The following CDH20 variants were observed in gnomAD, a reference collection of about 807,000 sequenced individuals.
The protein encoded by CDH20 is cadherin-20.
Under a neutral mutation model 74.2 loss-of-function variants are expected in CDH20, and 29 were observed. That is an observed-to-expected ratio of 0.39 (90% CI 0.29 to 0.53). CDH20 has a LOEUF of 0.53. CDH20 is among the 20% of genes least tolerant of loss of function. CDH20 has a pLI of 0.69. For missense variants in CDH20, 988 were observed against 1,048.3 expected (o/e 0.94, Z 0.79); for synonymous variants, 469 against 405.4 (o/e 1.16, Z -1.88).
At chr18:61,410,663 T>C (rs1396567130) in intron 1 of CDH20, among the ~76,000 whole-genome samples, 1 of 152,190 alleles carries the variant, frequency 6.6e-6, no homozygotes, top group Non-Finnish European at 1.5e-5. Context: ...AATGATGGAA[T>C]GGAAAATAAA....
rs750794751 is a variant in CDH20, at chr18:61,499,255, G to A, written c.316G>A (p.Val106Met). ...YILSGEGAGI[V>M]FTIDDTTGDI... is the part of the protein sequence containing the mutation. The stretch of plus-strand genomic sequence containing the variant: ...CCTCTCGGGAGAAGGTGCTGGCATC[G>A]TGTTTACCATCGACGACACCACTGG... The change falls in exon 3 of 12, where the codon GTG (valine) becomes ATG (methionine). Residue 106 changes from valine (V) to methionine (M), a missense_variant. Physicochemically the swap from Val to Met is conservative, Grantham distance 21. Around this residue, in one of 2 missense-constraint regions of CDH20, gnomAD observed 613 missense variants for 755.2 expected, o/e 0.81. Transcript: ENST00000262717. 11 of 1,613,426 alleles carry A rather than the reference G, an allele frequency of 6.8e-6. No individual in the cohort carries two copies. The highest frequency in any genetic ancestry group is 1.7e-5 in the Admixed American group (1 of 59,954).
chr18:61,552,058 C>G (rs1486745796), intron 11 of CDH20, among the ~76,000 whole-genome samples: 1 of 152,204 alleles, frequency 6.6e-6, no homozygotes, highest in East Asian at 1.9e-4. Flanking sequence ...ACCCTTACTT[C>G]TAAGAGTACA....
intron 10 of CDH20, among the ~76,000 whole-genome samples, chr18:61,546,299 A>G (rs1374313364): frequency 6.6e-6 from 1 of 152,222 alleles, no homozygotes; most frequent in Non-Finnish European, 1.5e-5. Context: ...TCAACCCCAC[A>G]TGACAGTTTT....
At chr18:61,516,819 C>A (rs1444478914) in intron 6 of CDH20, among the ~76,000 whole-genome samples, 1 of 151,968 alleles carries the variant, frequency 6.6e-6, no homozygotes, top group Non-Finnish European at 1.5e-5. Flanking sequence ...GAGTTTGAGA[C>A]CAGCCTGGGC....
rs367930531 is a variant in CDH20, at chr18:61,466,279, A to T, written c.-152-24123A>T. Reference sequence around the variant, plus strand: ...TTTTACAAACAATTCCTGTTAGTATAGTTGTACTTACAACATTTACAATAG... The same window carrying T: ...TTTTACAAACAATTCCTGTTAGTATTGTTGTACTTACAACATTTACAATAG... On this transcript the variant is annotated intron_variant, in intron 1 of 11. Transcript: ENST00000262717. Among the ~76,000 whole-genome samples the T allele has an allele frequency of 1.3e-3, 201 of 152,328 alleles. 1 individual carries two copies. The highest frequency in any genetic ancestry group is 4.6e-3 in the African/African-American group (191 of 41,568).
chr18:61,537,700 T>C (rs538806804), intron 8 of CDH20, among the ~76,000 whole-genome samples: 1 of 152,312 alleles, frequency 6.6e-6, no homozygotes, highest in Non-Finnish European at 1.5e-5. Context: ...TATTCATGGA[T>C]TCATCTATGC....
At chr18:61,469,942 A>G (rs1045217037) in intron 1 of CDH20, among the ~76,000 whole-genome samples, 1 of 152,192 alleles carries the variant, frequency 6.6e-6, no homozygotes, top group African/African-American at 2.4e-5. Flanking sequence ...GTGTAACATG[A>G]TTTTTAAATG....
At chr18:61,551,970 T>C (rs985033481) in intron 11 of CDH20, among the ~76,000 whole-genome samples, 1 of 152,182 alleles carries the variant, frequency 6.6e-6, no homozygotes, top group South Asian at 2.1e-4. Context: ...TCTTGTCTTT[T>C]AAACCGTACA....
At chr18:61,404,981 AC>A (rs1242003943) in intron 1 of CDH20, 1 of 710,456 alleles carries the variant, frequency 1.4e-6, no homozygotes, top group African/African-American at 1.8e-5. Context: ...TATTATTGCC[AC>A]TGTAGTGATG....
chr18:61,539,501 C>T (rs1234515926), intron 9 of CDH20, among the ~76,000 whole-genome samples: 2 of 152,084 alleles, frequency 1.3e-5, no homozygotes, highest in African/African-American at 4.8e-5. Flanking sequence ...GCCTAAACAG[C>T]ACTTTGAGGG....
At chr18:61,391,757 A>G (rs1169487308) in intron 1 of CDH20, 1 of 152,278 alleles carries the variant, frequency 6.6e-6, no homozygotes, top group Non-Finnish European at 1.5e-5. Context: ...AAAAAAAAAT[A>G]CAAATGAAAA....
chr18:61,427,417 A>G (rs1367971118), intron 1 of CDH20, among the ~76,000 whole-genome samples: 1 of 152,154 alleles, frequency 6.6e-6, no homozygotes, highest in Non-Finnish European at 1.5e-5. Context: ...CGGAGGAATC[A>G]TGATTCCCAC....
intron 1 of CDH20, among the ~76,000 whole-genome samples, chr18:61,402,947 C>T (rs1912205071): frequency 6.6e-6 from 1 of 152,174 alleles, no homozygotes; most frequent in South Asian, 2.1e-4. Flanking sequence ...TATTAAAGTC[C>T]TAACCCTTGT....
At chr18:61,544,756 G>A (rs1239853242) in intron 9 of CDH20, among the ~76,000 whole-genome samples, 2 of 152,076 alleles carry the variant, frequency 1.3e-5, no homozygotes, top group Admixed American at 1.3e-4. Flanking sequence ...GGCGTGGTGG[G>A]CCAGAGTGGT....
chr18:61,515,473 C>G (rs1051691823), intron 6 of CDH20, among the ~76,000 whole-genome samples: 11 of 151,928 alleles, frequency 7.2e-5, no homozygotes, highest in African/African-American at 2.7e-4. Context: ...GCGTTGCTCA[C>G]GCTGGGAGCT....
chr18:61,383,307 G>T (rs773382348), intron 1 of CDH20, among the ~76,000 whole-genome samples: 1 of 152,010 alleles, frequency 6.6e-6, no homozygotes. Context: ...CTGGCCAGGC[G>T]TGGTGGCTCA....
chr18:61,480,012 A>G (rs1224221019), intron 1 of CDH20, among the ~76,000 whole-genome samples: 1 of 152,228 alleles, frequency 6.6e-6, no homozygotes, highest in Non-Finnish European at 1.5e-5. Context: ...TGTCACTGAA[A>G]TGAAAGGGTA....
chr18:61,357,852 C>G (rs1489287738), intron 1 of CDH20, among the ~76,000 whole-genome samples: 2 of 152,088 alleles, frequency 1.3e-5, no homozygotes, highest in Non-Finnish European at 2.9e-5. Flanking sequence ...GACTTCATCT[C>G]GTGATCTCTT....
chr18:61,468,703 T>G (rs1215138358), intron 1 of CDH20, among the ~76,000 whole-genome samples: 2 of 152,172 alleles, frequency 1.3e-5, no homozygotes, highest in Non-Finnish European at 2.9e-5. Context: ...TAAGCATCGC[T>G]TCCATTGCAG....
Sources: allele counts gnomAD v4.1 joint callset (sites outside exome capture counted in the v4.1 genomes callset), GRCh38; gene constraint gnomAD v4.1.1; regional missense constraint gnomAD v4.1.1; transcripts MANE v1.5; gene names NCBI Gene and HGNC (gene_info 2026-07-23, HGNC 2026-07-21).